The following NTRK2 variants were observed in gnomAD, a reference collection of about 807,000 sequenced individuals.
The protein encoded by NTRK2 is BDNF/NT-3 growth factors receptor.
In NTRK2, 13 loss-of-function variants were observed where a neutral mutation model predicts 94.5. The observed-to-expected ratio is 0.14, with a 90% confidence interval of 0.09 to 0.22. The LOEUF (loss-of-function observed/expected upper bound fraction) is 0.22. Among genes scored for constraint, NTRK2 ranks in the 10% least tolerant of loss-of-function variants. The probability of loss-of-function intolerance (pLI) is 1.00; values close to 1 mark genes in which losing one functional copy is unlikely to be tolerated. For missense variants in NTRK2, 639 were observed against 1,071.2 expected, an observed-to-expected ratio of 0.60 and a Z score of 5.63; for synonymous variants, 372 against 407.4, an observed-to-expected ratio of 0.91 and a Z score of 1.05.
chr9:84,854,944 C>T (rs1246308439), intron 12 of NTRK2, among the ~76,000 whole-genome samples: 46 of 67,018 alleles, frequency 6.9e-4, no homozygotes, highest in Admixed American at 5.0e-3. Flanking sequence ...GAGACTCCGT[C>T]TCAAAAAAAA....
At chr9:84,925,585 A>G (rs960956833) in intron 14 of NTRK2, among the ~76,000 whole-genome samples, 1 of 152,104 alleles carries the variant, frequency 6.6e-6, no homozygotes, top group Non-Finnish European at 1.5e-5. Flanking sequence ...CCTCTGTACC[A>G]TTAGGGGTCA....
At chr9:84,709,076 C>A (rs1473666877) in intron 5 of NTRK2, among the ~76,000 whole-genome samples, 17 of 152,068 alleles carry the variant, frequency 1.1e-4, no homozygotes, top group Admixed American at 1.1e-3. Context: ...TAATTGTGTA[C>A]CTATTACAAA....
chr9:84,971,546 G>A (rs768799514), intron 17 of NTRK2, among the ~76,000 whole-genome samples: 2 of 152,250 alleles, frequency 1.3e-5, no homozygotes, highest in Non-Finnish European at 2.9e-5. Context: ...AAGAGAAGCA[G>A]AACATGGTAA....
chr9:84,846,337 A>C (rs748478881), intron 12 of NTRK2, among the ~76,000 whole-genome samples: 18 of 152,242 alleles, frequency 1.2e-4, no homozygotes, highest in Non-Finnish European at 2.6e-4. Context: ...TGTGATCAAT[A>C]GAATGCAGTT....
At chr9:84,864,971 C>T (rs145009805) in intron 13 of NTRK2, among the ~76,000 whole-genome samples, 1 of 152,042 alleles carries the variant, frequency 6.6e-6, no homozygotes, top group African/African-American at 2.4e-5. Flanking sequence ...AAACTCCTAA[C>T]CTCGTGATCT....
At chr9:84,709,961 C>CTGTGTGTGTGTGTGTG (rs35954183) in intron 5 of NTRK2, among the ~76,000 whole-genome samples, 5 of 115,270 alleles carry the variant, frequency 4.3e-5, no homozygotes, top group African/African-American at 1.1e-4. Flanking sequence ...ATAGCTTGCT[C>CTGTGTGTGTGTGTGTG]TGTGTGTGTG....
chr9:84,797,586 CTATATATACTATATATTATATATAA>C (rs1397757989), intron 12 of NTRK2, among the ~76,000 whole-genome samples: 575 of 51,450 alleles, frequency 0.011, 13 homozygotes, highest in Non-Finnish European at 0.016. Context: ...ATTATATATA[CTATATATACTATATATTATATATAA>C]TATATATACT....
intron 13 of NTRK2, among the ~76,000 whole-genome samples, chr9:84,866,723 G>A (rs757099878): frequency 1.3e-5 from 2 of 152,166 alleles, no homozygotes; most frequent in Non-Finnish European, 1.5e-5. Flanking sequence ...TTCCACCCAA[G>A]AGAAATTAAA....
At chr9:84,943,870 C>G (rs1475484871) in intron 15 of NTRK2, among the ~76,000 whole-genome samples, 3 of 152,146 alleles carry the variant, frequency 2.0e-5, no homozygotes, top group Non-Finnish European at 4.4e-5. Context: ...TCTGCCCTTA[C>G]AGTGCCAAAT....
intron 12 of NTRK2, among the ~76,000 whole-genome samples, chr9:84,849,004 T>A (rs1454910279): frequency 6.6e-6 from 1 of 152,222 alleles, no homozygotes; most frequent in Non-Finnish European, 1.5e-5. Flanking sequence ...ACATATGCTT[T>A]AGAGACTACA....
intron 14 of NTRK2, among the ~76,000 whole-genome samples, chr9:84,895,701 T>TA (rs1261599526): frequency 3.9e-5 from 6 of 152,214 alleles, no homozygotes; most frequent in African/African-American, 7.2e-5. Context: ...AGCAAATCGA[T>TA]AGAGTGTTGA....
intron 12 of NTRK2, among the ~76,000 whole-genome samples, chr9:84,854,318 T>G (rs978448950): frequency 6.6e-6 from 1 of 152,102 alleles, no homozygotes; most frequent in African/African-American, 2.4e-5. Context: ...ATTACAGACT[T>G]CCTACCTCTT....
intron 14 of NTRK2, among the ~76,000 whole-genome samples, chr9:84,894,736 G>C (rs1408185376): frequency 6.6e-6 from 1 of 152,188 alleles, no homozygotes; most frequent in Non-Finnish European, 1.5e-5. Flanking sequence ...ATTGCCATAT[G>C]CATCTCTAAA....
chr9:84,952,764 A>G (rs948686253), intron 16 of NTRK2, among the ~76,000 whole-genome samples: 2 of 152,148 alleles, frequency 1.3e-5, no homozygotes. Context: ...ACACATACTA[A>G]TATAAAGTGC....
intron 12 of NTRK2, among the ~76,000 whole-genome samples, chr9:84,755,532 T>C (rs2065009096): frequency 7.0e-6 from 1 of 142,006 alleles, no homozygotes; most frequent in Admixed American, 7.0e-5. Flanking sequence ...CCTCTTTTTT[T>C]TTTTTTTTTT....
Position 84,833,585 on chromosome 9 carries a change from GAAAGAAAGAGAA to G in NTRK2, c.1397-27445_1397-27434del, listed in dbSNP as rs199545152. Among the ~76,000 whole-genome samples the G allele has an allele frequency of 8.0e-3, 1,160 of 145,188 alleles. 15 individuals carry two copies. Among genetic ancestry groups the G allele is most frequent in the African/African-American group, 0.028 (1,101 of 38,894 alleles). On this transcript the variant is annotated intron_variant, in intron 12 of 18. Coordinates refer to ENST00000277120, the MANE Select transcript of NTRK2 (RefSeq NM_006180.6). ...AAGAATAAAAGAGGAGAGACAGAAG[GAAAGAAAGAGAA>G]AAAGAAAGAAAAGAAAGAGAGAGAG...
Position 84,861,063 on chromosome 9 carries a change from A to G in NTRK2, c.1420A>G (p.Lys474Glu), listed in dbSNP as rs1243820015. The change falls in exon 13 of 19, where the codon AAA (lysine) becomes GAA (glutamate). Residue 474 changes from lysine (K) to glutamate (E), a missense_variant. Physicochemically the swap from Lys to Glu is moderately conservative, Grantham distance 56. Coordinates refer to ENST00000277120, the MANE Select transcript of NTRK2 (RefSeq NM_006180.6). ...AGATTTCTCATGGTTTGGATTTGGG[A>G]AAGTAAAATCAAGACAAGGTGTTGG... is the stretch of plus-strand genomic sequence containing the variant. ...MKDFSWFGFG[K>E]VKSRQGVGPA... 6.2e-7 allele frequency: 1 copy of G among 1,613,500 alleles called. No homozygotes were observed.
At chr9:84,947,792 C>T (rs2078650134) in intron 15 of NTRK2, among the ~76,000 whole-genome samples, 1 of 152,246 alleles carries the variant, frequency 6.6e-6, no homozygotes, top group African/African-American at 2.4e-5. Context: ...ACATTATTTG[C>T]ATCACTAAAT....
chr9:84,968,348 G>A (rs75921322), intron 17 of NTRK2, among the ~76,000 whole-genome samples: 1,789 of 152,280 alleles, frequency 0.012, 22 homozygotes, highest in Middle Eastern at 0.031. Flanking sequence ...TCTGCCCTTT[G>A]TAATCATAAA....
Sources: allele counts gnomAD v4.1 joint callset (sites outside exome capture counted in the v4.1 genomes callset), GRCh38; gene constraint gnomAD v4.1.1; transcripts MANE v1.5; gene names NCBI Gene and HGNC (gene_info 2026-07-23, HGNC 2026-07-21).